NEK1: variants seen among roughly 807,000 people sequenced by gnomAD.
The protein encoded by NEK1 is NIMA related kinase 1.
In NEK1, 137 loss-of-function variants were observed where a neutral mutation model predicts 182.1. The ratio of observed to expected loss-of-function variants is 0.75; its 90% CI spans 0.65 to 0.87. NEK1 has a LOEUF of 0.87. Among genes scored for constraint, NEK1 ranks in the 40% least tolerant of loss-of-function variants. NEK1 has a pLI of 0.00. For synonymous variants in NEK1, 513 were observed against 492.2 expected, an observed-to-expected ratio of 1.04 and a Z score of -0.56; for missense variants, 1,391 against 1,494.4, an observed-to-expected ratio of 0.93 and a Z score of 1.14.
At chr4:169,538,435 G>A (rs1758850456) in intron 18 of NEK1, among the ~76,000 whole-genome samples, 1 of 151,136 alleles carries the variant, frequency 6.6e-6, no homozygotes, top group South Asian at 2.1e-4. Context: ...GATAGATTAG[G>A]GAAAAGATTA....
At chr4:169,544,782 A>G (rs924842145) in intron 18 of NEK1, among the ~76,000 whole-genome samples, 2 of 151,634 alleles carry the variant, frequency 1.3e-5, no homozygotes, top group East Asian at 3.9e-4. Context: ...AGGTATTTAT[A>G]GTATTCTCTG....
chr4:169,407,517 A>T (rs185739605), intron 31 of NEK1, among the ~76,000 whole-genome samples: 3 of 152,352 alleles, frequency 2.0e-5, no homozygotes, highest in Non-Finnish European at 4.4e-5. Context: ...AGTAAGAAGA[A>T]ACTCAGCCAA....
chr4:169,431,219 G>C (rs1437593624), intron 29 of NEK1, among the ~76,000 whole-genome samples: 30 of 152,104 alleles, frequency 2.0e-4, no homozygotes, highest in Non-Finnish European at 1.5e-5. Context: ...TATTAAGCAA[G>C]ACTAAAACAA....
intron 16 of NEK1, among the ~76,000 whole-genome samples, chr4:169,558,922 A>G (rs575814917): frequency 5.9e-5 from 9 of 152,172 alleles, no homozygotes; most frequent in Non-Finnish European, 1.2e-4. Flanking sequence ...AATTTGATTC[A>G]TATGATACTG....
chr4:169,537,287 T>C (rs950251806), intron 19 of NEK1, among the ~76,000 whole-genome samples: 3 of 152,208 alleles, frequency 2.0e-5, no homozygotes, highest in African/African-American at 7.2e-5. Context: ...AACTTAATAT[T>C]TTCTTGGATA....
At chr4:169,437,612 T>C (rs1236642722) in intron 28 of NEK1, among the ~76,000 whole-genome samples, 1 of 152,160 alleles carries the variant, frequency 6.6e-6, no homozygotes, top group Non-Finnish European at 1.5e-5. Flanking sequence ...TTAGCATCTG[T>C]GAGCCCCGGG....
intron 23 of NEK1, chr4:169,506,686 G>A (rs1753305171): frequency 6.6e-6 from 1 of 151,266 alleles, no homozygotes; most frequent in Non-Finnish European, 1.4e-5. Flanking sequence ...CCAGGAGGTG[G>A]AGCCGAGATC....
intron 14 of NEK1, 45 bp downstream of exon 14, chr4:169,561,787 A>G (rs1230596126): frequency 7.5e-6 from 12 of 1,600,070 alleles, no homozygotes; most frequent in Non-Finnish European, 1.0e-5. Flanking sequence ...ACCTATTATC[A>G]CTTAACAACT....
At chr4:169,400,700 C>G (rs761935569) in intron 33 of NEK1, 49 bp from the exon 34 acceptor site, 7 of 1,409,762 alleles carry the variant, frequency 5.0e-6, no homozygotes, top group African/African-American at 1.4e-5. Flanking sequence ...GACTGAATAA[C>G]TCATACCCTA....
chr4:169,481,928 T>C (rs1024627518), intron 23 of NEK1, among the ~76,000 whole-genome samples: 9 of 152,188 alleles, frequency 5.9e-5, no homozygotes, highest in African/African-American at 2.2e-4. Flanking sequence ...CTTCTTCCAA[T>C]AGAAGGCTGT....
chr4:169,494,438 G>T (rs773623027), intron 23 of NEK1, among the ~76,000 whole-genome samples: 1 of 152,102 alleles, frequency 6.6e-6, no homozygotes, highest in South Asian at 2.1e-4. Context: ...CGTCATTTTT[G>T]ATGGCTGCAT....
chr4:169,436,053 A>G (rs972426510), intron 28 of NEK1, among the ~76,000 whole-genome samples: 2 of 152,028 alleles, frequency 1.3e-5, no homozygotes, highest in African/African-American at 4.8e-5. Flanking sequence ...ACAGGCATGC[A>G]CCACCACATG....
In NEK1 at chr4:169,459,674, T is replaced by A. The variant is rs141537292; in HGVS notation, c.2587+3569A>T. 2.4e-3 allele frequency among the ~76,000 whole-genome samples: 364 copies of A among 152,326 alleles called. 2 individuals carry two copies. Among genetic ancestry groups the A allele is most frequent in the Admixed American group, 5.5e-3 (84 of 15,300 alleles). On this transcript the variant is annotated intron_variant, in intron 27 of 35. Transcript: ENST00000507142. ...AAGTGAATAAATAAACTGTGGCACA[T>A]CCATACAATGTAATATTCTGCGCTA...
chr4:169,580,482 G>A lies in NEK1; in HGVS notation c.868+360C>T, dbSNP rs368359582. Among the ~76,000 whole-genome samples the A allele has an allele frequency of 5.5e-4, 52 of 95,308 alleles. No individual in the cohort carries two copies. The South Asian group carries it at 0.014, about 26-fold the overall frequency. The allele number at this position is 95,308 out of a possible 152,430, so 62.5% of individuals were successfully genotyped here. On this transcript the variant is annotated intron_variant, in intron 11 of 35. Transcript: ENST00000507142. ...ACTGCGCTCCAGCCTGGGCAAGAGCGAAACTTCATCTCAAAAAAAAAAAAA... is the reference window on the plus strand; with the variant it reads ...ACTGCGCTCCAGCCTGGGCAAGAGCAAAACTTCATCTCAAAAAAAAAAAAA...
At chr4:169,578,600 A>G (rs1766093274) in intron 11 of NEK1, among the ~76,000 whole-genome samples, 1 of 152,224 alleles carries the variant, frequency 6.6e-6, no homozygotes, top group Admixed American at 6.5e-5. Flanking sequence ...CTAATAACGC[A>G]TTCTCAATTT....
chr4:169,438,386 A>T (rs1738819891), intron 27 of NEK1, 127 bp from the exon 28 acceptor site: 1 of 652,980 alleles, frequency 1.5e-6, no homozygotes. Context: ...AAGCTCTGTT[A>T]CATATTAGAA....
chr4:169,569,646 C>G (rs2149993133), intron 12 of NEK1, among the ~76,000 whole-genome samples: 1 of 152,280 alleles, frequency 6.6e-6, no homozygotes, highest in African/African-American at 2.4e-5. Flanking sequence ...CGCGCGCCAC[C>G]ACGCCTGACT....
chr4:169,477,254 A>C lies in NEK1; in HGVS notation c.2304T>G (p.Val768=). 6.2e-7 allele frequency: 1 copy of C among 1,600,214 alleles called. No individual in the cohort carries two copies. The highest frequency in any genetic ancestry group is 8.5e-7 in the Non-Finnish European group (1 of 1,171,974). Reference sequence around the variant, plus strand: ...TTTCATGCTCTTTGGCATCTTCATGAACATTTATCTCAAAAGTATCAGAGA... The same window carrying C: ...TTTCATGCTCTTTGGCATCTTCATGCACATTTATCTCAAAAGTATCAGAGA... ...QNLSDTFEIN[V]HEDAKEHEKE... is the part of the protein sequence containing the mutation. Residue 768 remains valine, a synonymous_variant, in exon 26 of 36, where the codon GTT becomes GTG. Transcript: ENST00000507142.
intron 29 of NEK1, among the ~76,000 whole-genome samples, chr4:169,427,035 T>C (rs1040976093): frequency 9.2e-5 from 14 of 152,214 alleles, no homozygotes; most frequent in Admixed American, 2.6e-4. Flanking sequence ...ATTCCAAAAG[T>C]ACCAGTAATT....
Sources: allele counts gnomAD v4.1 joint callset (sites outside exome capture counted in the v4.1 genomes callset), GRCh38; gene constraint gnomAD v4.1.1; transcripts MANE v1.5; gene names NCBI Gene and HGNC (gene_info 2026-07-23, HGNC 2026-07-21).